Variants in AK9 observed in about 807,000 individuals in gnomAD.
AK9 encodes adenylate kinase domain containing 1.
A neutral mutation model predicts 239.6 loss-of-function variants in AK9; 191 were observed. The ratio of observed to expected loss-of-function variants is 0.80; its 90% CI spans 0.71 to 0.90. AK9 has a LOEUF of 0.90. Ranked by LOEUF, AK9 falls within the 40% of genes least tolerant of loss-of-function variation. AK9 has a pLI of 0.00. For synonymous variants in AK9, 689 were observed against 721.0 expected (o/e 0.96, Z 0.71); for missense variants, 1,995 against 2,214.7 (o/e 0.90, Z 1.99).
At chr6:109,677,537 A>ATG (rs1562601160) in intron 1 of AK9, among the ~76,000 whole-genome samples, 1 of 151,928 alleles carries the variant, frequency 6.6e-6, no homozygotes, top group African/African-American at 2.4e-5. Context: ...TGTGTGTGTG[A>ATG]TGTGTGTGTG....
chr6:109,548,331 GA>G (rs1783871279), intron 25 of AK9, among the ~76,000 whole-genome samples: 1 of 152,128 alleles, frequency 6.6e-6, no homozygotes, highest in Admixed American at 6.5e-5. Flanking sequence ...ACATCAGTTT[GA>G]AAACAGCCCC....
At chr6:109,520,642 T>C (rs1562345802) in intron 29 of AK9, among the ~76,000 whole-genome samples, 1 of 152,164 alleles carries the variant, frequency 6.6e-6, no homozygotes, top group Non-Finnish European at 1.5e-5. Flanking sequence ...AAAAAATCTG[T>C]GAAGGATGTT....
chr6:109,543,895 G>A (rs1783200290), intron 26 of AK9, among the ~76,000 whole-genome samples: 1 of 152,074 alleles, frequency 6.6e-6, no homozygotes, highest in Admixed American at 6.5e-5. Context: ...AAGGTGAGTG[G>A]ATCACTTGAA....
At chr6:109,661,603 A>G (rs907834106) in intron 6 of AK9, among the ~76,000 whole-genome samples, 1 of 152,112 alleles carries the variant, frequency 6.6e-6, no homozygotes, top group African/African-American at 2.4e-5. Flanking sequence ...TCTCAAGTTC[A>G]CTCACAATTG....
chr6:109,674,125 T>G, intron 3 of AK9, 73 bp downstream of exon 3: 1 of 1,274,728 alleles, frequency 7.8e-7, no homozygotes, highest in East Asian at 2.6e-5. Context: ...GCATTCACTG[T>G]ATAATTATCT....
intron 8 of AK9, among the ~76,000 whole-genome samples, chr6:109,654,678 GT>G (rs1562561415): frequency 6.6e-6 from 1 of 152,182 alleles, no homozygotes; most frequent in African/African-American, 2.4e-5. Flanking sequence ...AATCTTAAGA[GT>G]GAACTACTAA....
intron 12 of AK9, among the ~76,000 whole-genome samples, chr6:109,624,637 CT>C (rs1384551169): frequency 2.0e-5 from 3 of 152,172 alleles, no homozygotes; most frequent in Non-Finnish European, 4.4e-5. Context: ...ACAGAAGCTT[CT>C]GGATCTTTGC....
chr6:109,498,516 G>T (rs1179209340), intron 36 of AK9, among the ~76,000 whole-genome samples: 1 of 152,120 alleles, frequency 6.6e-6, no homozygotes, highest in Non-Finnish European at 1.5e-5. Flanking sequence ...TCTTGTTGTT[G>T]TTTTCAACTA....
intron 24 of AK9, among the ~76,000 whole-genome samples, chr6:109,555,532 T>C (rs1299018164): frequency 1.3e-5 from 2 of 152,218 alleles, no homozygotes; most frequent in Non-Finnish European, 2.9e-5. Context: ...TAGGTCCACT[T>C]GATCCAGAGT....
In AK9 at chr6:109,497,935, G is replaced by T; in HGVS notation, c.5077C>A (p.Pro1693Thr). ...KFLENPELYV[P>T]PLAPHPLPSA... ...GGGAGTGGATGAGGTGCTAAGGGAG[G>T]CACGTACAATTCTGGGTTCTCCAAG... The change falls in exon 37 of 41, where the codon CCT becomes ACT. Residue 1693 changes from proline (P) to threonine (T), a missense_variant. By Grantham distance (38) the Pro-to-Thr change is conservative. Transcript: ENST00000424296. 2 of 1,614,044 alleles carry T rather than the reference G, an allele frequency of 1.2e-6. No homozygotes were observed. The highest frequency in any genetic ancestry group is 2.2e-5 in the South Asian group (2 of 91,070).
At chr6:109,508,774 C>T (rs952077218) in intron 33 of AK9, among the ~76,000 whole-genome samples, 11 of 152,128 alleles carry the variant, frequency 7.2e-5, no homozygotes, top group East Asian at 1.9e-4. Context: ...CACTGCTACC[C>T]GTGCAGAGAG....
intron 1 of AK9, chr6:109,690,515 G>A (rs1390955760): frequency 6.6e-6 from 1 of 152,170 alleles, no homozygotes; most frequent in African/African-American, 2.4e-5. Flanking sequence ...CTGCCTCCAG[G>A]GACTCCGCGG....
intron 21 of AK9, among the ~76,000 whole-genome samples, chr6:109,567,219 T>C (rs545845602): frequency 1.6e-4 from 25 of 151,944 alleles, no homozygotes; most frequent in Non-Finnish European, 3.1e-4. Flanking sequence ...AAGAATTAAA[T>C]AGATGCAACA....
chr6:109,507,915 T>C (rs772828187), intron 33 of AK9, among the ~76,000 whole-genome samples: 5 of 152,218 alleles, frequency 3.3e-5, no homozygotes, highest in Non-Finnish European at 7.3e-5. Flanking sequence ...TTAAACTGTG[T>C]TCAAATAAGG....
chr6:109,537,349 A>C (rs1409516892), intron 27 of AK9, among the ~76,000 whole-genome samples: 1 of 152,090 alleles, frequency 6.6e-6, no homozygotes, highest in Non-Finnish European at 1.5e-5. Context: ...CTATGTGTCC[A>C]GGAATTTATC....
At chr6:109,569,103 T>A (rs989256198) in intron 21 of AK9, among the ~76,000 whole-genome samples, 4 of 151,978 alleles carry the variant, frequency 2.6e-5, no homozygotes, top group African/African-American at 9.7e-5. Context: ...TGGAACAGAA[T>A]AGAGCCCCTG....
intron 26 of AK9, among the ~76,000 whole-genome samples, chr6:109,544,473 G>C (rs1783280701): frequency 1.3e-5 from 2 of 152,176 alleles, no homozygotes; most frequent in African/African-American, 4.8e-5. Context: ...TTACCCCCTT[G>C]GTACTGTCAT....
At chr6:109,582,926 GC>G (rs1330327642) in intron 19 of AK9, among the ~76,000 whole-genome samples, 1 of 152,062 alleles carries the variant, frequency 6.6e-6, no homozygotes, top group Non-Finnish European at 1.5e-5. Context: ...CAACACTGAG[GC>G]AAAACCTTCC....
chr6:109,549,414 C>T (rs534856450), intron 25 of AK9, among the ~76,000 whole-genome samples: 1 of 152,158 alleles, frequency 6.6e-6, no homozygotes, highest in Non-Finnish European at 1.5e-5. Flanking sequence ...TTCCACTCTT[C>T]TCCAAAATCC....
Sources: allele counts gnomAD v4.1 joint callset (sites outside exome capture counted in the v4.1 genomes callset), GRCh38; gene constraint gnomAD v4.1.1; transcripts MANE v1.5; gene names NCBI Gene and HGNC (gene_info 2026-07-23, HGNC 2026-07-21).